The following AKAP19 variants were observed in gnomAD, a reference collection of about 807,000 sequenced individuals.
AKAP19 encodes small A-kinase anchoring protein.
At chr2:189,998,611 C>T in the AKAP19 span, among the ~76,000 whole-genome samples, 295 of 152,070 alleles carry the variant, frequency 1.9e-3, 2 homozygotes, top group African/African-American at 6.5e-3. Context: ...TTAATGTACT[C>T]TTTTGGTGAT....
chr2:189,893,505 G>A, the AKAP19 span, among the ~76,000 whole-genome samples: 1 of 152,332 alleles, frequency 6.6e-6, no homozygotes, highest in African/African-American at 2.4e-5. Flanking sequence ...TGCCGGGTGA[G>A]GCGATGCCCT....
the AKAP19 span, among the ~76,000 whole-genome samples, chr2:190,067,330 A>T: frequency 6.6e-6 from 1 of 152,112 alleles, no homozygotes; most frequent in Non-Finnish European, 1.5e-5. Context: ...GAGACTTGGG[A>T]AGCACCCCAG....
At chr2:189,944,796 G>T in the AKAP19 span, among the ~76,000 whole-genome samples, 1 of 152,090 alleles carries the variant, frequency 6.6e-6, no homozygotes, top group African/African-American at 2.4e-5. Flanking sequence ...AATACTCATT[G>T]TTTTCATCAA....
At chr2:190,085,316 CAG>C in the AKAP19 span, among the ~76,000 whole-genome samples, 2 of 152,174 alleles carry the variant, frequency 1.3e-5, no homozygotes, top group Middle Eastern at 3.2e-3. Context: ...ATGCAAATAA[CAG>C]TGTATTTCAG....
the AKAP19 span, among the ~76,000 whole-genome samples, chr2:189,883,330 G>A: frequency 2.0e-5 from 3 of 152,026 alleles, no homozygotes; most frequent in African/African-American, 4.8e-5. Context: ...CTATAAGCCC[G>A]TATTTCTTAC....
At chr2:190,160,065 A>G in the AKAP19 span, among the ~76,000 whole-genome samples, 2 of 152,190 alleles carry the variant, frequency 1.3e-5, no homozygotes, top group African/African-American at 4.8e-5. Context: ...TTGAAGATAT[A>G]AGTTATGAGC....
the AKAP19 span, among the ~76,000 whole-genome samples, chr2:190,146,103 C>A: frequency 6.6e-6 from 1 of 151,866 alleles, no homozygotes; most frequent in Non-Finnish European, 1.5e-5. Flanking sequence ...GCACCCATCA[C>A]CCGAGCAGTA....
chr2:190,113,343 ATG>A, the AKAP19 span, among the ~76,000 whole-genome samples: 4 of 152,046 alleles, frequency 2.6e-5, no homozygotes, highest in African/African-American at 9.7e-5. Flanking sequence ...ACATATATTT[ATG>A]TGTGTGTGTG....
the AKAP19 span, among the ~76,000 whole-genome samples, chr2:189,949,396 G>A: frequency 6.6e-6 from 1 of 151,878 alleles, no homozygotes; most frequent in African/African-American, 2.4e-5. Context: ...TATTAGCCAG[G>A]CACAGTGGCG....
chr2:189,931,181 GTTA>G, the AKAP19 span, among the ~76,000 whole-genome samples: 8 of 131,048 alleles, frequency 6.1e-5, no homozygotes, highest in East Asian at 1.8e-3. Context: ...ACTTGAAACA[GTTA>G]TGGTGGTTTG....
the AKAP19 span, among the ~76,000 whole-genome samples, chr2:190,022,535 G>A: frequency 6.6e-6 from 1 of 152,000 alleles, no homozygotes; most frequent in Non-Finnish European, 1.5e-5. Context: ...TCATTGATTT[G>A]TTTTAATACC....
chr2:189,996,272 G>A, the AKAP19 span, among the ~76,000 whole-genome samples: 105 of 152,176 alleles, frequency 6.9e-4, no homozygotes, highest in Non-Finnish European at 1.3e-3. Flanking sequence ...CCAATTTTTG[G>A]GGGAGCTTTG....
At chr2:189,937,440 G>GA in the AKAP19 span, among the ~76,000 whole-genome samples, 1 of 130,602 alleles carries the variant, frequency 7.7e-6, no homozygotes, top group African/African-American at 2.9e-5. Context: ...CCCCTTCACA[G>GA]AAAACCACAA....
the AKAP19 span, among the ~76,000 whole-genome samples, chr2:189,969,634 G>A: frequency 2.7e-5 from 4 of 150,658 alleles, no homozygotes; most frequent in Non-Finnish European, 5.9e-5. Flanking sequence ...GGAGGCTGAG[G>A]GAGAAAGTTG....
At chr2:189,928,597 A>C in the AKAP19 span, among the ~76,000 whole-genome samples, 1 of 152,106 alleles carries the variant, frequency 6.6e-6, no homozygotes, top group African/African-American at 2.4e-5. Context: ...ACAACTTGAT[A>C]CTCTAATTTC....
the AKAP19 span, among the ~76,000 whole-genome samples, chr2:189,967,780 T>C: frequency 2.0e-5 from 3 of 150,946 alleles, no homozygotes; most frequent in Non-Finnish European, 4.4e-5. Context: ...CACCTGTGAA[T>C]AGCCATTGCA....
chr2:190,106,123 T>G, the AKAP19 span, among the ~76,000 whole-genome samples: 7 of 152,348 alleles, frequency 4.6e-5, no homozygotes, highest in Admixed American at 4.6e-4. Flanking sequence ...TTTTGTTTCT[T>G]ATTTATAAGG....
chr2:189,912,489 C>T, the AKAP19 span, among the ~76,000 whole-genome samples: 1 of 152,066 alleles, frequency 6.6e-6, no homozygotes, highest in Non-Finnish European at 1.5e-5. Flanking sequence ...TGCAGGGAGC[C>T]AAGATCGCAA....
chr2:190,112,797 C>T, the AKAP19 span, among the ~76,000 whole-genome samples: 1 of 151,960 alleles, frequency 6.6e-6, no homozygotes, highest in Non-Finnish European at 1.5e-5. Context: ...GTGAAATTGC[C>T]CATAATTTCG....
Sources: allele counts gnomAD v4.1 joint callset (sites outside exome capture counted in the v4.1 genomes callset), GRCh38; gene constraint gnomAD v4.1.1; transcripts MANE v1.5; gene names NCBI Gene and HGNC (gene_info 2026-07-23, HGNC 2026-07-21).